HHIP: variants seen among roughly 807,000 people sequenced by gnomAD.
The protein encoded by HHIP is hedgehog interacting protein.
HHIP carries 12 observed loss-of-function variants against 74.0 expected under a neutral mutation model. The ratio of observed to expected loss-of-function variants is 0.16; its 90% CI spans 0.10 to 0.26. The LOEUF is 0.26. Among genes scored for constraint, HHIP ranks in the 10% least tolerant of loss-of-function variants. HHIP has a pLI of 1.00. For missense variants in HHIP, 788 were observed against 845.0 expected, an observed-to-expected ratio of 0.93 and a Z score of 0.84; for synonymous variants, 309 against 311.6, an observed-to-expected ratio of 0.99 and a Z score of 0.09.
In HHIP at chr4:144,706,644, T is replaced by C. The variant is rs774662772; in HGVS notation, c.945T>C (p.His315=). 1 of 1,613,896 alleles carries C rather than the reference T, an allele frequency of 6.2e-7. No homozygotes were observed. The highest frequency in any genetic ancestry group is 1.3e-5 in the African/African-American group (1 of 75,032). The part of the protein sequence containing the change: ...TNQERWAIGP[H]DHILRVVEYT... ...AAGAACGGTGGGCTATCGGGCCTCA[T>C]GACCACATTCTTAGGGTTGTGGAAT... The change falls in exon 5 of 13, where the codon CAT becomes CAC. Residue 315 remains histidine (H), a synonymous_variant. Coordinates refer to ENST00000296575, the MANE Select transcript of HHIP (RefSeq NM_022475.3).
intron 11 of HHIP, among the ~76,000 whole-genome samples, chr4:144,721,494 T>A (rs1362947563): frequency 6.7e-6 from 1 of 149,952 alleles, no homozygotes; most frequent in Non-Finnish European, 1.5e-5. Context: ...TGTGCAGCAA[T>A]CTCAGAAAAG....
At chr4:144,724,186 T>C (rs1435870013) in intron 11 of HHIP, among the ~76,000 whole-genome samples, 4 of 152,324 alleles carry the variant, frequency 2.6e-5, no homozygotes, top group Middle Eastern at 3.4e-3. Flanking sequence ...TTTGCATACA[T>C]GTACATGTGT....
intron 4 of HHIP, among the ~76,000 whole-genome samples, chr4:144,662,393 G>T (rs1003210508): frequency 6.6e-6 from 1 of 152,168 alleles, no homozygotes; most frequent in African/African-American, 2.4e-5. Flanking sequence ...CCAAGATCGT[G>T]CTGCCTAAAT....
chr4:144,669,024 TATA>T (rs2126603207), intron 4 of HHIP, among the ~76,000 whole-genome samples: 1 of 150,294 alleles, frequency 6.7e-6, no homozygotes, highest in South Asian at 2.1e-4. Flanking sequence ...TTATATAATA[TATA>T]ATATTTATAT....
intron 4 of HHIP, among the ~76,000 whole-genome samples, chr4:144,691,302 T>C (rs1729656317): frequency 1.3e-5 from 2 of 152,336 alleles, no homozygotes; most frequent in South Asian, 4.1e-4. Context: ...CAAGGTTTAT[T>C]ATATCATGCA....
chr4:144,674,775 TC>T (rs1729130568), intron 4 of HHIP, among the ~76,000 whole-genome samples: 1 of 152,158 alleles, frequency 6.6e-6, no homozygotes, highest in Non-Finnish European at 1.5e-5. Context: ...CCAATAGTTG[TC>T]CCCACTTAAT....
In HHIP at chr4:144,738,251, T is replaced by C; in HGVS notation, c.*294T>C. ...ACACAGAAATTCCATTGTAAATTGA[T>C]AATGGATTTTTTATGTTACTAGAAG... On this transcript the variant is annotated 3_prime_UTR_variant, in exon 13 of 13. Coordinates refer to ENST00000296575, the MANE Select transcript of HHIP (RefSeq NM_022475.3). 3.0e-6 allele frequency: 3 copies of C among 1,003,274 alleles called. No homozygotes were observed. The highest frequency in any genetic ancestry group is 1.7e-5 in the African/African-American group (1 of 58,316). The allele number at this position is 1,003,274 out of a possible 1,614,324, so 62.1% of individuals were successfully genotyped here. A position where few individuals can be genotyped will look rare whatever the true frequency, so the allele number is the denominator to read the frequency against.
intron 2 of HHIP, among the ~76,000 whole-genome samples, chr4:144,655,805 T>C (rs1728544862): frequency 6.6e-6 from 1 of 152,078 alleles, no homozygotes. Context: ...AAAATAACTT[T>C]TCCCTGGAAT....
intron 11 of HHIP, among the ~76,000 whole-genome samples, chr4:144,730,980 C>T (rs1216945227): frequency 6.6e-6 from 1 of 152,160 alleles, no homozygotes; most frequent in East Asian, 1.9e-4. Context: ...ACCTTGACTT[C>T]TTAGCCTTCG....
At chr4:144,688,298 C>T (rs994027126) in intron 4 of HHIP, among the ~76,000 whole-genome samples, 8 of 152,054 alleles carry the variant, frequency 5.3e-5, no homozygotes, top group Non-Finnish European at 1.2e-4. Flanking sequence ...TTGATTTGGC[C>T]TTGAGTAGCA....
Position 144,659,670 on chromosome 4 carries a change from G to C in HHIP, c.663G>C (p.Glu221Asp). 1 of 1,549,298 alleles carries C rather than the reference G, an allele frequency of 6.5e-7. No homozygotes were observed. The highest frequency in any genetic ancestry group is 8.7e-7 in the Non-Finnish European group (1 of 1,153,366). Residue 221 changes from glutamate (E) to aspartate (D), a missense_variant, in exon 4 of 13, where the codon GAG (glutamate) becomes GAC (aspartate). By Grantham distance (45) the Glu-to-Asp change is conservative. Transcript: ENST00000296575. ...KHKHNCFCIQ[E>D]VVSGLRQPVG... ...AACACAACTGCTTCTGTATTCAGGA[G>C]GTTGTGAGTGGGCTGCGGCAGCCCG...
chr4:144,684,981 T>A (rs2126626969), intron 4 of HHIP, among the ~76,000 whole-genome samples: 1 of 152,334 alleles, frequency 6.6e-6, no homozygotes, highest in African/African-American at 2.4e-5. Flanking sequence ...ACTTTACAAC[T>A]GCAACCTTTT....
chr4:144,692,685 T>A (rs977642424), intron 4 of HHIP, among the ~76,000 whole-genome samples: 6 of 152,158 alleles, frequency 3.9e-5, no homozygotes, highest in Non-Finnish European at 7.4e-5. Flanking sequence ...TTGTGTAAAG[T>A]CTCTCCCCAG....
Position 144,696,917 on chromosome 4 carries a change from G to T in HHIP, c.832-9614G>T, listed in dbSNP as rs188014430. Among the ~76,000 whole-genome samples the T allele has an allele frequency of 8.0e-4, 122 of 151,928 alleles. 2 individuals carry two copies. Among genetic ancestry groups the T allele is most frequent in the Admixed American group, 7.5e-3 (115 of 15,240 alleles). Reference sequence around the variant, plus strand: ...TAAGACATCAGAAATACCACGATGTGGTCTCTGCCTTCAAGAAGCTTACAG... The same window carrying T: ...TAAGACATCAGAAATACCACGATGTTGTCTCTGCCTTCAAGAAGCTTACAG... On this transcript the variant is annotated intron_variant, in intron 4 of 12. Transcript: ENST00000296575.
chr4:144,694,504 A>G (rs1235885736), intron 4 of HHIP, among the ~76,000 whole-genome samples: 1 of 151,912 alleles, frequency 6.6e-6, no homozygotes, highest in Admixed American at 6.6e-5. Context: ...TTATATTTCT[A>G]TATAATGACG....
rs17019606 is a variant in HHIP, at chr4:144,660,748, C to T, written c.831+910C>T. Among the ~76,000 whole-genome samples, 829 of 152,124 alleles carry T rather than the reference C, an allele frequency of 5.4e-3. 8 individuals carry two copies. The highest frequency in any genetic ancestry group is 0.019 in the African/African-American group (805 of 41,516). ...CCTGCTATCTATTTCATTTTCTTAT[C>T]GTGTGAGAGTTAAGATGACTCCAGT... On this transcript the variant is annotated intron_variant, in intron 4 of 12. Coordinates refer to ENST00000296575, the MANE Select transcript of HHIP (RefSeq NM_022475.3).
chr4:144,713,175 T>C (rs1276865433), intron 8 of HHIP, among the ~76,000 whole-genome samples: 1 of 152,082 alleles, frequency 6.6e-6, no homozygotes, highest in East Asian at 1.9e-4. Flanking sequence ...AACAACTCTA[T>C]GTGATAGGCA....
rs889691018 is a variant in HHIP, at chr4:144,649,198, G to A, written c.279+2244G>A. Among the ~76,000 whole-genome samples the A allele has an allele frequency of 5.3e-5, 8 of 151,678 alleles. 1 individual carries two copies. In the East Asian group the frequency reaches 1.4e-3, roughly 26 times the overall value. ...TTCATAATGTGTATACAGGAGAGAT[G>A]ATTGCTATTTGAAAGGGCCCTTTTT... On this transcript the variant is annotated intron_variant, in intron 1 of 12. Transcript: ENST00000296575.
Position 144,743,449 on chromosome 4 carries a change from ATTC to A in HHIP, c.*5498_*5500del, listed in dbSNP as rs748787899. Reference sequence around the variant, plus strand: ...GAAAGCCTTGTGCTTAAAACCTGTTATTCTTCTTTGAGCCAGACTAAACAGTAA... The same window carrying A: ...GAAAGCCTTGTGCTTAAAACCTGTTATTCTTTGAGCCAGACTAAACAGTAA... On this transcript the variant is annotated 3_prime_UTR_variant, in exon 13 of 13. Coordinates refer to ENST00000296575, the MANE Select transcript of HHIP (RefSeq NM_022475.3). The A allele has an allele frequency of 2.0e-5, 3 of 152,178 alleles. No homozygotes were observed. Among genetic ancestry groups the A allele is most frequent in the Admixed American group, 6.5e-5 (1 of 15,282 alleles). The allele number at this position is 152,178 out of a possible 1,614,324, so 9.4% of individuals were successfully genotyped here.
Sources: allele counts gnomAD v4.1 joint callset (sites outside exome capture counted in the v4.1 genomes callset), GRCh38; gene constraint gnomAD v4.1.1; transcripts MANE v1.5; gene names NCBI Gene and HGNC (gene_info 2026-07-23, HGNC 2026-07-21).